The following EPCAM variants were observed in gnomAD, a reference collection of about 807,000 sequenced individuals.
The protein encoded by EPCAM is epithelial cell adhesion molecule.
In EPCAM, 39 loss-of-function variants were observed where a neutral mutation model predicts 40.0. The ratio of observed to expected loss-of-function variants is 0.98; its 90% confidence interval spans 0.76 to 1.27. The LOEUF (loss-of-function observed/expected upper bound fraction) is 1.27. EPCAM is among the 50% of genes most tolerant of loss of function. The pLI is 0.00. For missense variants in EPCAM, 503 were observed against 381.2 expected (o/e 1.32, Z -2.66); for synonymous variants, 168 against 132.3 (o/e 1.27, Z -1.85).
At chr2:47,381,407 A>AG (rs1261871716) in intron 7 of EPCAM, among the ~76,000 whole-genome samples, 2 of 151,322 alleles carry the variant, frequency 1.3e-5, no homozygotes, top group Non-Finnish European at 2.9e-5. Flanking sequence ...AAAAAAAAAA[A>AG]AAAAAGAAAT....
chr2:47,372,039 G>A lies in EPCAM; in HGVS notation c.77-1424G>A, dbSNP rs1263454763. Among the ~76,000 whole-genome samples, 7 of 152,234 alleles carry A rather than the reference G, an allele frequency of 4.6e-5. No individual in the cohort carries two copies. In the South Asian group the frequency reaches 1.2e-3, roughly 27 times the overall value. On this transcript the variant is annotated intron_variant, in intron 1 of 8. Coordinates refer to ENST00000263735, the MANE Select transcript of EPCAM (RefSeq NM_002354.3). ...TAGTCTTGCCTATTCGAAGTTAAAT[G>A]AACTTTTGAGGTTGTTAAGGACAAA...
At chr2:47,372,100 GCT>G (rs1429268382) in intron 1 of EPCAM, among the ~76,000 whole-genome samples, 2 of 152,184 alleles carry the variant, frequency 1.3e-5, no homozygotes, top group African/African-American at 4.8e-5. Context: ...AGAATGGGCT[GCT>G]TAGTATCACT....
rs2103757338 is a variant in EPCAM, at chr2:47,379,056, T to A, written c.657+2T>A. On this transcript the variant is annotated splice_donor_variant, in intron 6 of 8. Transcript: ENST00000263735. LOFTEE classifies it high-confidence loss of function. ...GTGGCTTATTATTTTGAAAAAGATG[T>A]GAGTATCATCTTCTTTATTCCTGTG... 1 of 1,447,088 alleles carries A rather than the reference T, an allele frequency of 6.9e-7. No homozygotes were observed. The highest frequency in any genetic ancestry group is 9.7e-7 in the Non-Finnish European group (1 of 1,027,660). 89.6% of individuals were successfully genotyped at this position (1,447,088 alleles called of 1,614,324 possible).
In EPCAM at chr2:47,386,858, C is replaced by T. The variant is rs1409486268; in HGVS notation, c.*245C>T. The stretch of plus-strand genomic sequence containing the variant: ...GTAAAATCCAGAACTTGGACTCCAT[C>T]GTTAAAATTATTTATGTGTAACATT... On this transcript the variant is annotated 3_prime_UTR_variant, in exon 9 of 9. Transcript: ENST00000263735. The T allele has an allele frequency of 1.4e-5, 5 of 362,110 alleles. No homozygotes were observed. The highest frequency in any genetic ancestry group is 4.1e-5 in the African/African-American group (2 of 48,716). The allele number at this position is 362,110 out of a possible 1,614,324, so 22.4% of individuals were successfully genotyped here. A position where few individuals can be genotyped will look rare whatever the true frequency, so the allele number is the denominator to read the frequency against.
chr2:47,386,608 G>C lies in EPCAM; in HGVS notation c.940G>C (p.Ala314Pro), dbSNP rs959971996. 2 of 1,602,736 alleles carry C rather than the reference G, an allele frequency of 1.2e-6. No homozygotes were observed. Among genetic ancestry groups the C allele is most frequent in the Non-Finnish European group, 1.7e-6 (2 of 1,170,568 alleles). The change falls in exon 9 of 9, where the codon GCA becomes CCA. Residue 314 changes from alanine to proline, a missense_variant. Coordinates refer to ENST00000263735, the MANE Select transcript of EPCAM (RefSeq NM_002354.3). ...GGGTGAGATGCATAGGGAACTCAATGCATAACTATATAATTTGAAGATTAT... is the reference window on the plus strand; with the variant it reads ...GGGTGAGATGCATAGGGAACTCAATCCATAACTATATAATTTGAAGATTAT... ...EMGEMHRELN[A>P]
intron 7 of EPCAM, among the ~76,000 whole-genome samples, chr2:47,380,361 C>T (rs1671554731): frequency 6.6e-6 from 1 of 151,974 alleles, no homozygotes. Flanking sequence ...ATCCATATTC[C>T]AAAACATTCA....
Position 47,369,530 on chromosome 2 carries a change from T to A in EPCAM, c.25T>A (p.Phe9Ile). MAPPQVLA[F>I]GLLLAAATAT... ...CATGGCGCCCCCGCAGGTCCTCGCG[T>A]TCGGGCTTCTGCTTGCCGCGGCGAC... The change falls in exon 1 of 9, where the codon TTC becomes ATC. Residue 9 changes from phenylalanine to isoleucine, a missense_variant. Coordinates refer to ENST00000263735, the MANE Select transcript of EPCAM (RefSeq NM_002354.3). 6.3e-7 allele frequency: 1 copy of A among 1,576,036 alleles called. No individual in the cohort carries two copies. Among genetic ancestry groups the A allele is most frequent in the African/African-American group, 1.4e-5 (1 of 73,494 alleles).
In EPCAM at chr2:47,375,318, A is replaced by T. The variant is rs114475602; in HGVS notation, c.491+19A>T. ...TGCGGACGTAAGTGCAATTAAATGC[A>T]TCATATTCTTGCACAGTTGGTGGCT... On this transcript the variant is annotated intron_variant, in intron 4 of 8. Transcript: ENST00000263735. 1,065 of 1,542,846 alleles carry T rather than the reference A, an allele frequency of 6.9e-4. 5 individuals are homozygous for T. In the African/African-American group the frequency reaches 0.013, roughly 19 times the overall value.
chr2:47,380,600 C>G (rs553518209), intron 7 of EPCAM, among the ~76,000 whole-genome samples: 2 of 152,256 alleles, frequency 1.3e-5, no homozygotes, highest in African/African-American at 4.8e-5. Flanking sequence ...AACCCCCAAA[C>G]CACTCAATAA....
At chr2:47,386,253 T>G (rs1378410842) in intron 8 of EPCAM, among the ~76,000 whole-genome samples, 1 of 152,174 alleles carries the variant, frequency 6.6e-6, no homozygotes, top group East Asian at 1.9e-4. Flanking sequence ...GAAAGATTGA[T>G]AATAGAAAGT....
intron 1 of EPCAM, among the ~76,000 whole-genome samples, chr2:47,372,984 T>G (rs1453648854): frequency 2.0e-5 from 3 of 151,750 alleles, no homozygotes; most frequent in Admixed American, 6.6e-5. Flanking sequence ...GGCAGGAGGA[T>G]TGCTTGAGGC....
intron 4 of EPCAM, among the ~76,000 whole-genome samples, chr2:47,375,680 A>G (rs1315204690): frequency 1.3e-5 from 2 of 151,344 alleles, no homozygotes; most frequent in African/African-American, 2.4e-5. Flanking sequence ...TATATAAACC[A>G]CTATACAACG....
In EPCAM at chr2:47,373,926, G is replaced by C. The variant is rs1573393938; in HGVS notation, c.303G>C (p.Glu101Asp). 1 of 1,614,148 alleles carries C rather than the reference G, an allele frequency of 6.2e-7. No homozygotes were observed. The highest frequency in any genetic ancestry group is 8.5e-7 in the Non-Finnish European group (1 of 1,180,038). Residue 101 changes from glutamate (E) to aspartate (D), a missense_variant, in exon 3 of 9, where the codon GAG becomes GAC. Transcript: ENST00000263735. ...NDGLYDPDCD[E>D]SGLFKAKQCN... Reference sequence around the variant, plus strand: ...GGCTTTATGATCCTGACTGCGATGAGAGCGGGCTCTTTAAGGCCAAGCAGT... The same window carrying C: ...GGCTTTATGATCCTGACTGCGATGACAGCGGGCTCTTTAAGGCCAAGCAGT...
intron 6 of EPCAM, 38 bp downstream of exon 6, chr2:47,379,092 T>A: frequency 2.1e-5 from 21 of 1,020,810 alleles, no homozygotes; most frequent in Non-Finnish European, 3.3e-5. Context: ...TTCAGGAATG[T>A]AGTCTATCAT....
chr2:47,376,415 C>T (rs1202953667), intron 4 of EPCAM, among the ~76,000 whole-genome samples: 2 of 152,114 alleles, frequency 1.3e-5, no homozygotes, highest in East Asian at 3.9e-4. Context: ...CGCCACCATG[C>T]CTGGCTAATT....
Position 47,379,009 on chromosome 2 carries a change from G to C in EPCAM, c.612G>C (p.Gln204His), listed in dbSNP as rs775276504. 10 of 1,604,532 alleles carry C rather than the reference G, an allele frequency of 6.2e-6. No homozygotes were observed. The East Asian group carries it at 2.2e-4, about 36-fold the overall frequency. ...DLVQNSSQKTQNDVDIADVAY... is the reference protein window; with the variant it reads ...DLVQNSSQKTHNDVDIADVAY... Reference sequence around the variant, plus strand: ...TTCAAAATTCTTCTCAAAAAACTCAGAATGATGTGGACATAGCTGATGTGG... The same window carrying C: ...TTCAAAATTCTTCTCAAAAAACTCACAATGATGTGGACATAGCTGATGTGG... The change falls in exon 6 of 9, where the codon CAG (glutamine) becomes CAC (histidine). Residue 204 changes from glutamine (Q) to histidine (H), a missense_variant. Physicochemically the swap from Gln to His is conservative, Grantham distance 24. Transcript: ENST00000263735.
At chr2:47,370,466 G>C (rs906989239) in intron 1 of EPCAM, among the ~76,000 whole-genome samples, 1 of 151,914 alleles carries the variant, frequency 6.6e-6, no homozygotes, top group Admixed American at 6.6e-5. Flanking sequence ...TAGTAGAGAC[G>C]GGGTTTCTCC....
Position 47,369,693 on chromosome 2 carries a change from C to T in EPCAM, c.76+112C>T, listed in dbSNP as rs767854724. ...ATAGGGAGGGGACCAAGAGGCCGCG[C>T]TTTCCAGCGTGGAGACCGGACGGTG... On this transcript the variant is annotated intron_variant, in intron 1 of 8. Coordinates refer to ENST00000263735, the MANE Select transcript of EPCAM (RefSeq NM_002354.3). The T allele has an allele frequency of 2.8e-5, 32 of 1,151,310 alleles. No homozygotes were observed. In the Middle Eastern group the frequency reaches 9.9e-4, roughly 36 times the overall value. The allele number at this position is 1,151,310 out of a possible 1,614,324, so 71.3% of individuals were successfully genotyped here.
intron 1 of EPCAM, among the ~76,000 whole-genome samples, chr2:47,371,892 A>T (rs1313980422): frequency 6.6e-6 from 1 of 152,234 alleles, no homozygotes; most frequent in Non-Finnish European, 1.5e-5. Context: ...GATACGAAGG[A>T]TCAATATAAA....
Sources: gnomAD v4.1 joint callset for allele counts (sites outside exome capture counted in the v4.1 genomes callset) on GRCh38, gnomAD v4.1.1 for gene constraint, MANE v1.5 for transcripts, NCBI Gene and HGNC (gene_info 2026-07-23, HGNC 2026-07-21) for gene names.